Variants in SPRY3 observed in about 807,000 individuals in gnomAD.
SPRY3 encodes protein sprouty homolog 3.
In SPRY3, 15 loss-of-function variants were observed where a neutral mutation model predicts 20.2. That is an observed-to-expected ratio of 0.74 (90% CI 0.50 to 1.14). The LOEUF is 1.14. Ranked by LOEUF, SPRY3 falls within the 50% of genes most tolerant of loss-of-function variation. The pLI, the probability that SPRY3 is intolerant of heterozygous loss-of-function variation, is 0.00. For missense variants in SPRY3, 364 were observed against 363.9 expected (o/e 1.00, Z 0.00); for synonymous variants, 143 against 136.5 (o/e 1.05, Z -0.33).
chrX:155,751,943 TA>T (rs2091264764), intron 2 of SPRY3, among the ~76,000 whole-genome samples: 1 of 53,270 alleles, frequency 1.9e-5, no homozygotes, highest in Non-Finnish European at 3.2e-5. Flanking sequence ...TAAAATAAAA[TA>T]AAATAAAATA....
chrX:155,771,224 C>T (rs1346926006), intron 3 of SPRY3, among the ~76,000 whole-genome samples: 7 of 152,050 alleles, frequency 4.6e-5, no homozygotes, highest in South Asian at 4.2e-4. Flanking sequence ...CACCATGTAC[C>T]CTTCTGCTCC....
At chrX:155,650,863 G>A (rs1370320291) in intron 1 of SPRY3, among the ~76,000 whole-genome samples, 4 of 111,918 alleles carry the variant, frequency 3.6e-5, no homozygotes, top group African/African-American at 1.3e-4. Flanking sequence ...TTCTTCTACA[G>A]TCACTTAAGT....
At chrX:155,732,780 A>G (rs2091142466) in intron 2 of SPRY3, among the ~76,000 whole-genome samples, 1 of 152,090 alleles carries the variant, frequency 6.6e-6, no homozygotes, top group Non-Finnish European at 1.5e-5. Context: ...AATGAAGAAA[A>G]TGTGGCACAT....
chrX:155,778,349 G>C (rs772186411), downstream of SPRY3: 1 of 167,144 alleles, frequency 6.0e-6, no homozygotes, highest in South Asian at 2.1e-4. Flanking sequence ...TATATTAGCT[G>C]TCTTGCTCCC....
At chrX:155,760,201 A>G (rs933832053) in intron 2 of SPRY3, among the ~76,000 whole-genome samples, 1 of 152,210 alleles carries the variant, frequency 6.6e-6, no homozygotes, top group African/African-American at 2.4e-5. Context: ...CTTATTACTT[A>G]CATTATCTCA....
chrX:155,774,993 G>T (rs2091414799), exon 4 of SPRY3: 2 of 577,728 alleles, frequency 3.5e-6, no homozygotes, highest in African/African-American at 1.9e-5. Flanking sequence ...GGCAAATTCA[G>T]GTGATATATG....
intron 3 of SPRY3, among the ~76,000 whole-genome samples, chrX:155,769,645 A>G (rs1461944782): frequency 3.9e-5 from 6 of 152,226 alleles, no homozygotes; most frequent in Admixed American, 6.5e-5. Context: ...TCCCTGTATC[A>G]TTCATCACTA....
intron 2 of SPRY3, among the ~76,000 whole-genome samples, chrX:155,698,490 C>T (rs144607509): frequency 0.016 from 1,803 of 111,624 alleles, 31 homozygotes; most frequent in Middle Eastern, 0.037. Flanking sequence ...TTCTGCTTAT[C>T]TAAAGCTCAC....
chrX:155,692,199 AG>A (rs1444584774), intron 2 of SPRY3, among the ~76,000 whole-genome samples: 1 of 110,929 alleles, frequency 9.0e-6, no homozygotes, highest in African/African-American at 3.3e-5. Context: ...TTTTACATTT[AG>A]CTCCCTGGTT....
At chrX:155,748,363 A>T (rs1181708001) in intron 2 of SPRY3, among the ~76,000 whole-genome samples, 1 of 151,854 alleles carries the variant, frequency 6.6e-6, no homozygotes, top group African/African-American at 2.4e-5. Context: ...AGTAGGTGGT[A>T]TCAAAAAGCA....
chrX:155,713,085 C>T (rs2090998209), intron 2 of SPRY3, among the ~76,000 whole-genome samples: 1 of 151,740 alleles, frequency 6.6e-6, no homozygotes, highest in African/African-American at 2.4e-5. Flanking sequence ...ATTGGTTCAT[C>T]ATTTAATCTT....
rs138278793 is a variant in SPRY3 at position 155,679,780 on chromosome X, T to G, written c.-282+22755T>G. Among the ~76,000 whole-genome samples the G allele has an allele frequency of 6.9e-3, 774 of 111,684 alleles. 6 individuals carry two copies. The highest frequency in any genetic ancestry group is 0.024 in the African/African-American group (734 of 30,729). ...AAATACAGAGAGCTATGAGAACATA[T>G]AAACCTGATCTTATCTGAGTTGAAT... On this transcript the variant is annotated intron_variant, in intron 2 of 3. Coordinates refer to ENST00000675360, the Ensembl canonical transcript of SPRY3.
At chrX:155,739,471 G>GC (rs2091191368) in intron 2 of SPRY3, among the ~76,000 whole-genome samples, 1 of 152,218 alleles carries the variant, frequency 6.6e-6, no homozygotes, top group Admixed American at 6.5e-5. Flanking sequence ...CAGCCAGACT[G>GC]CTTCTTGAAG....
At chrX:155,727,015 C>T (rs183270411) in intron 2 of SPRY3, among the ~76,000 whole-genome samples, 46 of 152,128 alleles carry the variant, frequency 3.0e-4, no homozygotes, top group Admixed American at 2.0e-3. Flanking sequence ...ACAAATCTCT[C>T]GGCATTTGCT....
chrX:155,679,929 G>A (rs1309833141), intron 2 of SPRY3, among the ~76,000 whole-genome samples: 1 of 110,532 alleles, frequency 9.0e-6, no homozygotes, highest in Non-Finnish European at 1.9e-5. Context: ...AATGGAAACA[G>A]TATATGAAGA....
intron 2 of SPRY3, among the ~76,000 whole-genome samples, chrX:155,764,014 G>A (rs1323946784): frequency 6.6e-6 from 1 of 152,070 alleles, no homozygotes; most frequent in Non-Finnish European, 1.5e-5. Flanking sequence ...TCCAAGGCAG[G>A]GTGACTTTTC....
intron 2 of SPRY3, among the ~76,000 whole-genome samples, chrX:155,719,155 C>T (rs185957084): frequency 3.2e-4 from 48 of 152,232 alleles, no homozygotes; most frequent in African/African-American, 1.0e-3. Flanking sequence ...TTTTTGTGCA[C>T]TGGGGGAGGG....
At position 155,688,775 on chromosome X, in the gene SPRY3, A is replaced by C. The variant is rs778219282; in HGVS notation, c.-282+31750A>C. Among the ~76,000 whole-genome samples the C allele has an allele frequency of 1.9e-3, 187 of 99,823 alleles. 2 individuals are homozygous for C. The highest frequency in any genetic ancestry group is 7.4e-3 in the African/African-American group (183 of 24,787). The allele number at this position is 99,823 out of a possible 115,157, so 86.7% of individuals were successfully genotyped here. On this transcript the variant is annotated intron_variant, in intron 2 of 3. Coordinates refer to ENST00000675360, the Ensembl canonical transcript of SPRY3. Reference sequence around the variant, plus strand: ...TAAACATGTGCCATGGTGGTTTGCTACATTTATCAACCCATCACCTAGCTC... The same window carrying C: ...TAAACATGTGCCATGGTGGTTTGCTCCATTTATCAACCCATCACCTAGCTC...
At position 155,650,494 on chromosome X, in the gene SPRY3, C is replaced by T. The variant is rs1314074283; in HGVS notation, c.-440-6373C>T. Among the ~76,000 whole-genome samples, 3 of 112,031 alleles carry T rather than the reference C, an allele frequency of 2.7e-5. No individual in the cohort carries two copies. The East Asian group carries it at 8.3e-4, about 31-fold the overall frequency. The stretch of plus-strand genomic sequence containing the variant: ...AATTATAAATTGATTTATGACCCAG[C>T]ATATGCTCAACTTTTATAGATGTTT... On this transcript the variant is annotated intron_variant, in intron 1 of 3. Transcript: ENST00000675360.
Sources: allele counts gnomAD v4.1 joint callset (sites outside exome capture counted in the v4.1 genomes callset), GRCh38; gene constraint gnomAD v4.1.1; transcripts MANE v1.5; gene names NCBI Gene and HGNC (gene_info 2026-07-23, HGNC 2026-07-21).